Variants in GRAP observed in about 807,000 individuals in gnomAD.
The protein encoded by GRAP is GRB2 related adaptor protein, also known as GRB2-related adapter protein.
In GRAP, 2 loss-of-function variants were observed where a neutral mutation model predicts 9.1. That is an observed-to-expected ratio of 0.22 (90% CI 0.09 to 0.69). The LOEUF is 0.69. Ranked by LOEUF, GRAP falls within the 30% of genes least tolerant of loss-of-function variation. The probability of loss-of-function intolerance (pLI) is 0.81; values close to 1 mark genes in which losing one functional copy is unlikely to be tolerated. For synonymous variants in GRAP, 68 were observed against 73.6 expected, an observed-to-expected ratio of 0.92 and a Z score of 0.39; for missense variants, 113 against 179.4, an observed-to-expected ratio of 0.63 and a Z score of 2.12.
chr17:19,022,198 C>T, intron 4 of GRAP, 54 bp from the exon 5 acceptor site: 4 of 1,061,274 alleles, frequency 3.8e-6, no homozygotes, highest in Non-Finnish European at 5.2e-6. Context: ...TGCAACCCAC[C>T]CTCCCTCAGA....
upstream of GRAP, among the ~76,000 whole-genome samples, chr17:19,050,957 T>C (rs1362780667): frequency 2.1e-5 from 3 of 142,634 alleles, no homozygotes; most frequent in African/African-American, 7.6e-5. Flanking sequence ...TAGAATCACT[T>C]GAACCTGGGA....
Position 19,021,984 on chromosome 17 carries a change from C to T in GRAP, c.629G>A (p.Ser210Asn), listed in dbSNP as rs547412312. 4.0e-4 allele frequency: 632 copies of T among 1,579,448 alleles called. 10 individuals carry two copies. The South Asian group carries it at 5.3e-3, about 13-fold the overall frequency. ...SCGRVGFFPRSYVQPVHL is the reference protein window; with the variant it reads ...SCGRVGFFPRNYVQPVHL ...TCACAGGTGCACGGGCTGCACGTAA[C>T]TCCGTGGGAAGAAGCCAACGCGCCC... is the stretch of plus-strand genomic sequence containing the variant. The change falls in exon 5 of 5, where the codon AGT (serine) becomes AAT (asparagine). Residue 210 changes from serine (S) to asparagine (N), a missense_variant. Coordinates refer to ENST00000284154, the MANE Select transcript of GRAP (RefSeq NM_006613.4). The surrounding 1 kb of genome is among the most constrained non-coding windows in gnomAD (Gnocchi z 4.1).
chr17:19,022,262 G>A (rs2044276795), intron 4 of GRAP, 118 bp from the exon 5 acceptor site: 2 of 549,872 alleles, frequency 3.6e-6, no homozygotes, highest in Admixed American at 4.0e-5. Flanking sequence ...GGGCAGCACC[G>A]GAGTTGAACT....
At chr17:19,043,668 A>AG (rs1179206151) in intron 1 of GRAP, among the ~76,000 whole-genome samples, 12 of 150,156 alleles carry the variant, frequency 8.0e-5, no homozygotes, top group African/African-American at 2.9e-4. Flanking sequence ...GGAGAAAATG[A>AG]GGGCCTGTAG....
chr17:19,048,559 T>C (rs1220340306), upstream of GRAP, among the ~76,000 whole-genome samples: 1 of 89,414 alleles, frequency 1.1e-5, no homozygotes, highest in Non-Finnish European at 1.8e-5. Context: ...ATTAGGCCAG[T>C]GGGGTCTCCT....
intron 3 of GRAP, among the ~76,000 whole-genome samples, chr17:19,027,885 CT>C (rs1242300155): frequency 0.12 from 12,440 of 101,830 alleles, 18 homozygotes; most frequent in East Asian, 0.36. Flanking sequence ...CCACTTCTCC[CT>C]TTTTTTTTTT....
intron 1 of GRAP, among the ~76,000 whole-genome samples, chr17:19,043,955 C>CT (rs999128072): frequency 4.4e-4 from 61 of 137,560 alleles, no homozygotes; most frequent in Admixed American, 6.7e-4. Context: ...TTTCTTTTTT[C>CT]TTTTTTTTTT....
rs1555583256 is a variant in GRAP at position 19,027,524 on chromosome 17, A to ACC, written c.300-3143_300-3142dup. On this transcript the variant is annotated intron_variant, in intron 3 of 4. Coordinates refer to ENST00000284154, the MANE Select transcript of GRAP (RefSeq NM_006613.4). ...CACACACACACACACACACACACAC[A>ACC]CCCCTACCTCTCCTGGGTTGTAAAT... 1.1e-3 allele frequency among the ~76,000 whole-genome samples: 155 copies of ACC among 138,996 alleles called. No individual in the cohort carries two copies. The East Asian group carries it at 0.015, about 13-fold the overall frequency. 91.2% of individuals were successfully genotyped at this position (138,996 alleles called of 152,430 possible).
rs1314624908 is a variant in GRAP at position 19,024,729 on chromosome 17, A to G, written c.300-346T>C. Among the ~76,000 whole-genome samples the G allele has an allele frequency of 2.0e-5, 3 of 152,204 alleles. No homozygotes were observed. The highest frequency in any genetic ancestry group is 1.5e-5 in the Non-Finnish European group (1 of 68,042). On this transcript the variant is annotated intron_variant, in intron 3 of 4. Coordinates refer to ENST00000284154, the MANE Select transcript of GRAP (RefSeq NM_006613.4). This position sits in a 1 kb window ranked among gnomAD's most constrained non-coding sequence, Gnocchi z 4.2. ...GTGCACAGTGACTGGCATATTGGCA[A>G]CGTGAAATGGGTACCTCTGAGTGTG...
chr17:19,027,480 G>GCACACACACA (rs771916548), intron 3 of GRAP, among the ~76,000 whole-genome samples: 17 of 69,442 alleles, frequency 2.4e-4, no homozygotes, highest in African/African-American at 3.1e-4. Flanking sequence ...GCGCGCGCGC[G>GCACACACACA]CGCGCACACA....
Position 19,024,183 on chromosome 17 carries a change from G to A in GRAP, c.468+32C>T. The A allele has an allele frequency of 1.3e-6, 2 of 1,554,868 alleles. No homozygotes were observed. The highest frequency in any genetic ancestry group is 1.7e-6 in the Non-Finnish European group (2 of 1,147,896). On this transcript the variant is annotated intron_variant, in intron 4 of 4. Transcript: ENST00000284154. The surrounding 1 kb of genome is among the most constrained non-coding windows in gnomAD (Gnocchi z 4.2). ...TGCAGATGGCAGGAGGTGCAGAGAGGCTCCCACAGGCCAGCCCCCACCCGC... is the reference window on the plus strand; with the variant it reads ...TGCAGATGGCAGGAGGTGCAGAGAGACTCCCACAGGCCAGCCCCCACCCGC...
At chr17:19,022,830 C>T (rs566087435) in intron 4 of GRAP, among the ~76,000 whole-genome samples, 1 of 152,318 alleles carries the variant, frequency 6.6e-6, no homozygotes, top group South Asian at 2.1e-4. Flanking sequence ...TCTGAATCTG[C>T]AGAATCTCAT....
chr17:19,027,582 A>C (rs2044320038), intron 3 of GRAP, among the ~76,000 whole-genome samples: 1 of 138,856 alleles, frequency 7.2e-6, no homozygotes, highest in Admixed American at 7.4e-5. Flanking sequence ...GTCGCAATAC[A>C]TTTGCAAGCT....
intron 3 of GRAP, among the ~76,000 whole-genome samples, chr17:19,030,142 T>C (rs2044329399): frequency 1.0e-5 from 1 of 97,342 alleles, no homozygotes; most frequent in Non-Finnish European, 2.0e-5. Flanking sequence ...GGCTGACCCC[T>C]GGGCTGTCAG....
rs761321370 is a variant in GRAP at position 19,030,230 on chromosome 17, G to GGCAGCA, written c.299+5722_299+5727dup. On this transcript the variant is annotated intron_variant, in intron 3 of 4. Coordinates refer to ENST00000284154, the MANE Select transcript of GRAP (RefSeq NM_006613.4). ...CAGCGAGTTTTTCTGGCCTGGTGGC[G>GGCAGCA]GCAGCAGCAGCAGCAGCAGCAGCAG... The GGCAGCA allele has an allele frequency of 8.7e-4, 381 of 435,680 alleles. 14 individuals carry two copies. The highest frequency in any genetic ancestry group is 1.6e-3 in the South Asian group (95 of 60,248). 27.0% of individuals were successfully genotyped at this position (435,680 alleles called of 1,614,324 possible). A position where few individuals can be genotyped will look rare whatever the true frequency, so the allele number is the denominator to read the frequency against.
chr17:19,025,501 T>C (rs1199867175), intron 3 of GRAP, among the ~76,000 whole-genome samples: 18 of 136,804 alleles, frequency 1.3e-4, no homozygotes, highest in African/African-American at 3.0e-4. Context: ...CACGGATTTT[T>C]CTCTCTCATT....
rs904979307 is a variant in GRAP, at chr17:19,020,773, T to C, written c.*1186A>G. On this transcript the variant is annotated 3_prime_UTR_variant, in exon 5 of 5. Coordinates refer to ENST00000284154, the MANE Select transcript of GRAP (RefSeq NM_006613.4). Reference sequence around the variant, plus strand: ...TTGCCAGCACTCAGGGTTCTAAGGGTCTTGGGCCAGCTCTGGATGGAGGAA... The same window carrying C: ...TTGCCAGCACTCAGGGTTCTAAGGGCCTTGGGCCAGCTCTGGATGGAGGAA... The C allele has an allele frequency of 1.9e-5, 6 of 313,842 alleles. No homozygotes were observed. The highest frequency in any genetic ancestry group is 1.3e-4 in the African/African-American group (6 of 46,914). The allele number at this position is 313,842 out of a possible 1,614,324, so 19.4% of individuals were successfully genotyped here.
rs2044297865 is a variant in GRAP at position 19,024,496 on chromosome 17, G to C, written c.300-113C>G. On this transcript the variant is annotated intron_variant, in intron 3 of 4. Transcript: ENST00000284154. The surrounding 1 kb of genome is among the most constrained non-coding windows in gnomAD (Gnocchi z 4.2). ...ACCAGCCTGTCTCACGGTGGGACCT[G>C]GAGTCAGATAAGGTGCAAGTGGGAG... The C allele has an allele frequency of 6.8e-7, 1 of 1,474,284 alleles. No homozygotes were observed. Among genetic ancestry groups the C allele is most frequent in the Non-Finnish European group, 9.0e-7 (1 of 1,110,496 alleles). The allele number at this position is 1,474,284 out of a possible 1,614,324, so 91.3% of individuals were successfully genotyped here.
chr17:19,030,230 G>GGCAGCAGCAGCAGCAGCAGCA lies in GRAP; in HGVS notation c.299+5707_299+5727dup, dbSNP rs761321370. 29 of 435,606 alleles carry GGCAGCAGCAGCAGCAGCAGCA rather than the reference G, an allele frequency of 6.7e-5. 4 individuals are homozygous for GGCAGCAGCAGCAGCAGCAGCA. Among genetic ancestry groups the GGCAGCAGCAGCAGCAGCAGCA allele is most frequent in the South Asian group, 2.0e-4 (12 of 60,250 alleles). The allele number at this position is 435,606 out of a possible 1,614,324, so 27.0% of individuals were successfully genotyped here. On this transcript the variant is annotated intron_variant, in intron 3 of 4. Coordinates refer to ENST00000284154, the MANE Select transcript of GRAP (RefSeq NM_006613.4). The stretch of plus-strand genomic sequence containing the variant: ...CAGCGAGTTTTTCTGGCCTGGTGGC[G>GGCAGCAGCAGCAGCAGCAGCA]GCAGCAGCAGCAGCAGCAGCAGCAG...
Sources: gnomAD v4.1 joint callset for allele counts (sites outside exome capture counted in the v4.1 genomes callset) on GRCh38, gnomAD v4.1.1 for gene constraint, Gnocchi (gnomAD v3.1) non-coding constraint, MANE v1.5 for transcripts, NCBI Gene and HGNC (gene_info 2026-07-23, HGNC 2026-07-21) for gene names.